KCNH1: variants seen among roughly 807,000 people sequenced by gnomAD.
The protein encoded by KCNH1 is voltage-gated delayed rectifier potassium channel KCNH1.
Under a neutral mutation model 69.2 loss-of-function variants are expected in KCNH1, and 27 were observed. The observed-to-expected ratio is 0.39, with a 90% CI of 0.29 to 0.54. The LOEUF (loss-of-function observed/expected upper bound fraction) is 0.54, where lower values mean the gene tolerates loss of function less well. KCNH1 is among the 20% of genes least tolerant of loss of function. The pLI is 0.68. For synonymous variants in KCNH1, 456 were observed against 487.7 expected, an observed-to-expected ratio of 0.93 and a Z score of 0.86; for missense variants, 798 against 1,261.6, an observed-to-expected ratio of 0.63 and a Z score of 5.57.
intron 1 of KCNH1, among the ~76,000 whole-genome samples, chr1:211,119,381 A>G (rs1328810495): frequency 6.6e-6 from 1 of 152,174 alleles, no homozygotes; most frequent in Non-Finnish European, 1.5e-5. Flanking sequence ...AAAAAAAGCA[A>G]GTTTGAGTAA....
chr1:210,894,191 G>A (rs773499245), intron 7 of KCNH1, among the ~76,000 whole-genome samples: 3 of 152,112 alleles, frequency 2.0e-5, no homozygotes, highest in Non-Finnish European at 2.9e-5. Context: ...ATTCCTACAC[G>A]TATTTTTGAG....
intron 6 of KCNH1, among the ~76,000 whole-genome samples, chr1:210,948,528 A>ATAGAAAATAT: frequency 6.6e-6 from 1 of 152,156 alleles, no homozygotes; most frequent in South Asian, 2.1e-4. Context: ...AAAAGCAGCC[A>ATAGAAAATAT]TAGAAAATAT....
intron 10 of KCNH1, among the ~76,000 whole-genome samples, chr1:210,753,997 C>CT (rs1683339703): frequency 6.6e-6 from 1 of 151,758 alleles, no homozygotes. Context: ...TCACTGCAAG[C>CT]CCCGCCTCCT....
intron 7 of KCNH1, among the ~76,000 whole-genome samples, chr1:210,871,065 C>T (rs2102494780): frequency 6.6e-6 from 1 of 152,254 alleles, no homozygotes; most frequent in South Asian, 2.1e-4. Context: ...TCTAATTAAA[C>T]TAAAGAGCTT....
chr1:210,835,637 GA>G (rs1225887999), intron 7 of KCNH1, among the ~76,000 whole-genome samples: 2 of 152,214 alleles, frequency 1.3e-5, no homozygotes, highest in East Asian at 3.9e-4. Context: ...AAGTGCCTGT[GA>G]AAACCTACAT....
At chr1:210,769,390 C>T (rs188844353) in intron 10 of KCNH1, among the ~76,000 whole-genome samples, 89 of 152,290 alleles carry the variant, frequency 5.8e-4, no homozygotes, top group African/African-American at 2.0e-3. Flanking sequence ...AGACAGTTCA[C>T]TATGGCAACC....
chr1:210,834,685 T>TAA (rs55784518), intron 7 of KCNH1, among the ~76,000 whole-genome samples: 11,464 of 142,802 alleles, frequency 0.08, 498 homozygotes, highest in Non-Finnish European at 0.095. Flanking sequence ...AAAGTATAAT[T>TAA]AAAAAAAAAA....
At chr1:211,087,604 C>CAT (rs1690976845) in intron 4 of KCNH1, among the ~76,000 whole-genome samples, 1 of 87,184 alleles carries the variant, frequency 1.1e-5, no homozygotes, top group Admixed American at 1.2e-4. Context: ...AGCCTTTAAG[C>CAT]ATACACACAC....
At chr1:210,976,588 C>T (rs1014447103) in intron 6 of KCNH1, among the ~76,000 whole-genome samples, 25 of 144,140 alleles carry the variant, frequency 1.7e-4, no homozygotes, top group African/African-American at 6.4e-4. Context: ...TTTGACCCAG[C>T]CATCCCATTA....
chr1:210,814,029 CT>C (rs910853903), intron 7 of KCNH1, among the ~76,000 whole-genome samples: 3 of 152,142 alleles, frequency 2.0e-5, no homozygotes, highest in African/African-American at 4.8e-5. Flanking sequence ...CATTAAACCA[CT>C]TTTTTTCATA....
chr1:210,856,877 C>CTATATATATATATATAACCCACTA, intron 7 of KCNH1, among the ~76,000 whole-genome samples: 1 of 101,732 alleles, frequency 9.8e-6, no homozygotes, highest in Non-Finnish European at 2.0e-5. Context: ...ATATAACCCA[C>CTATATATATATATATAACCCACTA]TATATATATA....
chr1:210,889,860 A>G (rs1686707139), intron 7 of KCNH1, among the ~76,000 whole-genome samples: 1 of 152,218 alleles, frequency 6.6e-6, no homozygotes, highest in South Asian at 2.1e-4. Context: ...CTCTTCAAGG[A>G]GAACTACAAA....
At chr1:210,827,197 GT>G (rs570216717) in intron 7 of KCNH1, among the ~76,000 whole-genome samples, 41 of 152,062 alleles carry the variant, frequency 2.7e-4, no homozygotes, top group Admixed American at 1.2e-3. Context: ...TTAGCCAGGC[GT>G]GGTGGCGGGT....
At chr1:210,830,441 C>A (rs1685134534) in intron 7 of KCNH1, among the ~76,000 whole-genome samples, 1 of 152,160 alleles carries the variant, frequency 6.6e-6, no homozygotes, top group East Asian at 1.9e-4. Context: ...GACACCTGAC[C>A]AGCAAGCACA....
At chr1:210,688,894 C>T (rs1279713704) in intron 10 of KCNH1, among the ~76,000 whole-genome samples, 1 of 152,170 alleles carries the variant, frequency 6.6e-6, no homozygotes, top group Non-Finnish European at 1.5e-5. Context: ...CTACTCTGTT[C>T]CTGGCATGGG....
At chr1:210,966,298 C>A (rs1190652286) in intron 6 of KCNH1, among the ~76,000 whole-genome samples, 1 of 152,178 alleles carries the variant, frequency 6.6e-6, no homozygotes, top group East Asian at 1.9e-4. Context: ...AAAACATAGG[C>A]AATACCATTC....
intron 10 of KCNH1, among the ~76,000 whole-genome samples, chr1:210,703,722 T>C (rs901608275): frequency 6.6e-6 from 1 of 152,226 alleles, no homozygotes; most frequent in Non-Finnish European, 1.5e-5. Context: ...TCTGTGTCCC[T>C]TCCAGGGCCC....
chr1:210,713,580 G>T (rs1027912713), intron 10 of KCNH1, among the ~76,000 whole-genome samples: 2 of 152,148 alleles, frequency 1.3e-5, no homozygotes, highest in African/African-American at 4.8e-5. Flanking sequence ...CTTGGCTTTG[G>T]GTGGTGAGTT....
chr1:210,914,516 C>CTGCAA (rs1332460362), intron 7 of KCNH1, among the ~76,000 whole-genome samples: 1 of 152,060 alleles, frequency 6.6e-6, no homozygotes, highest in African/African-American at 2.4e-5. Context: ...TACTGCTGGG[C>CTGCAA]TGCAAGTGGG....
Sources: allele counts gnomAD v4.1 joint callset (sites outside exome capture counted in the v4.1 genomes callset), GRCh38; gene constraint gnomAD v4.1.1; transcripts MANE v1.5; gene names NCBI Gene and HGNC (gene_info 2026-07-23, HGNC 2026-07-21).